DCLK2: variants seen among roughly 807,000 people sequenced by gnomAD.
The protein encoded by DCLK2 is serine/threonine-protein kinase DCLK2.
DCLK2 carries 31 observed loss-of-function variants against 78.4 expected under a neutral mutation model. The ratio of observed to expected loss-of-function variants is 0.40; its 90% CI spans 0.30 to 0.53. The LOEUF is 0.53. DCLK2 is among the 20% of genes least tolerant of loss of function. The pLI is 0.61. For missense variants in DCLK2, 872 were observed against 973.7 expected, an observed-to-expected ratio of 0.90 and a Z score of 1.39; for synonymous variants, 407 against 374.9, an observed-to-expected ratio of 1.09 and a Z score of -0.99.
At chr4:150,235,175 T>C (rs980782344) in intron 10 of DCLK2, among the ~76,000 whole-genome samples, 2 of 152,170 alleles carry the variant, frequency 1.3e-5, no homozygotes, top group Admixed American at 6.5e-5. Context: ...ACTGAGGTGC[T>C]TGTGAGCTTC....
chr4:150,133,549 G>A (rs553214617), intron 2 of DCLK2, among the ~76,000 whole-genome samples: 44 of 152,184 alleles, frequency 2.9e-4, no homozygotes, highest in Non-Finnish European at 5.3e-4. Flanking sequence ...GGATGATATA[G>A]CAGGATATAG....
At chr4:150,211,941 A>C (rs1740350481) in intron 5 of DCLK2, among the ~76,000 whole-genome samples, 1 of 152,202 alleles carries the variant, frequency 6.6e-6, no homozygotes, top group African/African-American at 2.4e-5. Flanking sequence ...GGCAATAAAG[A>C]GTAGTAAATG....
intron 12 of DCLK2, among the ~76,000 whole-genome samples, chr4:150,242,124 A>G (rs369237013): frequency 2.6e-5 from 4 of 152,174 alleles, no homozygotes; most frequent in Non-Finnish European, 4.4e-5. Flanking sequence ...GCGTTGAACA[A>G]TTTTCTAATT....
intron 8 of DCLK2, 128 bp from the exon 9 acceptor site, chr4:150,232,209 T>G: frequency 8.3e-7 from 1 of 1,201,238 alleles, no homozygotes; most frequent in Non-Finnish European, 1.2e-6. Context: ...TTAGTTGTCT[T>G]TGTGCCAAGA....
chr4:150,249,473 G>A, intron 14 of DCLK2, 95 bp from the exon 15 acceptor site: 1 of 938,870 alleles, frequency 1.1e-6, no homozygotes, highest in Non-Finnish European at 1.7e-6. Context: ...GAGGTCAGGA[G>A]GGTGGTTGAG....
chr4:150,188,942 G>GA (rs1267808147), intron 2 of DCLK2, among the ~76,000 whole-genome samples: 107 of 146,946 alleles, frequency 7.3e-4, no homozygotes, highest in African/African-American at 2.2e-3. Flanking sequence ...AGCTTCTATG[G>GA]AAAAAAAAAG....
At chr4:150,243,948 A>G (rs1026667371) in intron 12 of DCLK2, among the ~76,000 whole-genome samples, 11 of 124,992 alleles carry the variant, frequency 8.8e-5, no homozygotes, top group Non-Finnish European at 1.4e-4. Context: ...TTTTTAATTT[A>G]TTTTTTAAGA....
At chr4:150,242,819 G>A (rs1249185077) in intron 12 of DCLK2, among the ~76,000 whole-genome samples, 1 of 152,186 alleles carries the variant, frequency 6.6e-6, no homozygotes, top group African/African-American at 2.4e-5. Flanking sequence ...GGGAGAAAAT[G>A]AGCTAAGTAT....
At chr4:150,082,808 G>C (rs1218060653) in intron 1 of DCLK2, among the ~76,000 whole-genome samples, 1 of 152,132 alleles carries the variant, frequency 6.6e-6, no homozygotes, top group Non-Finnish European at 1.5e-5. Flanking sequence ...AGAATTCCTA[G>C]TCTTAGTTCT....
At chr4:150,093,545 C>A (rs1448247663) in intron 1 of DCLK2, among the ~76,000 whole-genome samples, 3 of 152,152 alleles carry the variant, frequency 2.0e-5, no homozygotes, top group African/African-American at 7.2e-5. Flanking sequence ...CCATACCTGG[C>A]TAATTTTTGT....
chr4:150,249,718 G>C, intron 15 of DCLK2, 34 bp downstream of exon 15: 4 of 1,570,534 alleles, frequency 2.5e-6, no homozygotes, highest in Non-Finnish European at 3.5e-6. Flanking sequence ...GCCTGACTGC[G>C]GAGCCGGCCT....
At chr4:150,083,175 G>C (rs1192817916) in intron 1 of DCLK2, among the ~76,000 whole-genome samples, 1 of 152,174 alleles carries the variant, frequency 6.6e-6, no homozygotes, top group African/African-American at 2.4e-5. Flanking sequence ...AAATCGATGA[G>C]GCTGCACATG....
At chr4:150,086,586 A>G (rs1201371533) in intron 1 of DCLK2, among the ~76,000 whole-genome samples, 1 of 151,370 alleles carries the variant, frequency 6.6e-6, no homozygotes, top group African/African-American at 2.4e-5. Context: ...GGCTGACTGC[A>G]AGCTCCGCCT....
At chr4:150,091,940 C>T (rs1253481228) in intron 1 of DCLK2, among the ~76,000 whole-genome samples, 2 of 152,066 alleles carry the variant, frequency 1.3e-5, no homozygotes, top group African/African-American at 2.4e-5. Context: ...ACTGGAACTT[C>T]GTACTCATTG....
chr4:150,107,999 A>C (rs1731394227), intron 2 of DCLK2, among the ~76,000 whole-genome samples: 1 of 152,118 alleles, frequency 6.6e-6, no homozygotes, highest in Admixed American at 6.5e-5. Context: ...AAGTGTAAGG[A>C]ATCATTTAAT....
At chr4:150,149,718 T>G (rs1734752412) in intron 2 of DCLK2, among the ~76,000 whole-genome samples, 1 of 152,212 alleles carries the variant, frequency 6.6e-6, no homozygotes, top group Admixed American at 6.5e-5. Flanking sequence ...AAGAACACAT[T>G]TTTCTTTGCC....
At chr4:150,198,984 C>G (rs1739270152) in intron 4 of DCLK2, 2 of 1,508,570 alleles carry the variant, frequency 1.3e-6, no homozygotes, top group African/African-American at 2.8e-5. Context: ...TGAATAACCA[C>G]TCTCCTTACT....
chr4:150,235,708 T>G (rs1310556343), intron 10 of DCLK2, among the ~76,000 whole-genome samples: 1 of 152,194 alleles, frequency 6.6e-6, no homozygotes, highest in African/African-American at 2.4e-5. Context: ...AGTCAGCAGG[T>G]TGGTATTGGC....
At chr4:150,247,989 C>T (rs780301293) in intron 13 of DCLK2, among the ~76,000 whole-genome samples, 22 of 152,178 alleles carry the variant, frequency 1.4e-4, no homozygotes, top group Admixed American at 2.6e-4. Flanking sequence ...CATCAGGATA[C>T]AGGGATGAAC....
Sources: gnomAD v4.1 joint callset for allele counts (sites outside exome capture counted in the v4.1 genomes callset) on GRCh38, gnomAD v4.1.1 for gene constraint, MANE v1.5 for transcripts, NCBI Gene and HGNC (gene_info 2026-07-23, HGNC 2026-07-21) for gene names.